DGKB: variants seen among roughly 807,000 people sequenced by gnomAD.
DGKB encodes the protein diacylglycerol kinase beta.
Under a neutral mutation model 114.3 loss-of-function variants are expected in DGKB, and 67 were observed. That is an observed-to-expected ratio of 0.59 (90% CI 0.48 to 0.72). The LOEUF (loss-of-function observed/expected upper bound fraction) is 0.72. DGKB is among the 30% of genes least tolerant of loss of function. DGKB has a pLI of 0.00. For missense variants in DGKB, 907 were observed against 975.2 expected (o/e 0.93, Z 0.93); for synonymous variants, 398 against 323.1 (o/e 1.23, Z -2.49).
intron 20 of DGKB, among the ~76,000 whole-genome samples, chr7:14,520,979 C>T (rs1254062664): frequency 1.3e-5 from 2 of 151,968 alleles, no homozygotes; most frequent in Non-Finnish European, 2.9e-5. Context: ...ACATACTATT[C>T]CTATATGAGA....
chr7:14,301,323 T>G (rs549382884), intron 23 of DGKB, among the ~76,000 whole-genome samples: 1 of 152,070 alleles, frequency 6.6e-6, no homozygotes, highest in African/African-American at 2.4e-5. Flanking sequence ...TTCTTGGGCA[T>G]TGGTGTCTCT....
At chr7:14,843,400 T>C (rs866556952) in intron 1 of DGKB, among the ~76,000 whole-genome samples, 1,787 of 130,674 alleles carry the variant, frequency 0.014, 38 homozygotes, top group African/African-American at 0.048. Context: ...AGTGGCGCAA[T>C]CTCGGCTCAC....
At chr7:14,966,438 ATT>A (rs1787154553) in intron 1 of DGKB, among the ~76,000 whole-genome samples, 1 of 144,888 alleles carries the variant, frequency 6.9e-6, no homozygotes. Flanking sequence ...ATACACACAT[ATT>A]TGTGTGTATA....
chr7:14,696,190 G>A (rs187918487), intron 8 of DGKB, among the ~76,000 whole-genome samples: 416 of 151,990 alleles, frequency 2.7e-3, no homozygotes, highest in Non-Finnish European at 3.7e-3. Context: ...GTTAGTGCCC[G>A]CTGTTTAGAA....
intron 1 of DGKB, among the ~76,000 whole-genome samples, chr7:14,865,914 A>G (rs916473702): frequency 2.6e-5 from 4 of 152,184 alleles, no homozygotes; most frequent in African/African-American, 9.7e-5. Context: ...TAAAGAGACC[A>G]CTTAAAATAT....
intron 1 of DGKB, among the ~76,000 whole-genome samples, chr7:14,968,665 A>G (rs535111658): frequency 6.6e-6 from 1 of 152,238 alleles, no homozygotes; most frequent in African/African-American, 2.4e-5. Context: ...GGAGAGAGTT[A>G]CTCATTCTTT....
intron 23 of DGKB, chr7:14,268,930 T>A (rs1011802869): frequency 6.6e-6 from 1 of 152,198 alleles, no homozygotes; most frequent in African/African-American, 2.4e-5. Context: ...ACAACACACA[T>A]TTATTAGCTC....
At chr7:14,473,201 G>T (rs1781674963) in intron 21 of DGKB, among the ~76,000 whole-genome samples, 1 of 152,124 alleles carries the variant, frequency 6.6e-6, no homozygotes, top group African/African-American at 2.4e-5. Context: ...CAAGCCCAGG[G>T]TGCCCATGCT....
At chr7:14,826,971 A>G (rs1375409245) in intron 2 of DGKB, among the ~76,000 whole-genome samples, 1 of 152,144 alleles carries the variant, frequency 6.6e-6, no homozygotes, top group Non-Finnish European at 1.5e-5. Context: ...TCTTAGGGGT[A>G]CATCCATGAA....
intron 20 of DGKB, among the ~76,000 whole-genome samples, chr7:14,518,100 G>GTACATA: frequency 6.6e-6 from 1 of 152,168 alleles, no homozygotes; most frequent in Admixed American, 6.5e-5. Flanking sequence ...ACAAAATGTG[G>GTACATA]TACATATACA....
intron 21 of DGKB, among the ~76,000 whole-genome samples, chr7:14,433,142 G>A (rs537560281): frequency 1.4e-4 from 22 of 152,138 alleles, no homozygotes; most frequent in African/African-American, 4.8e-4. Flanking sequence ...CTGGGAGCAC[G>A]TCGTATCTAT....
In DGKB at chr7:14,307,978, T is replaced by C. The variant is rs558611069; in HGVS notation, c.2122+30537A>G. ...AAATATCAGTAAGAACCTTTTTAAATAAAAAGTTTTGAAATAACACATTTT... is the reference window on the plus strand; with the variant it reads ...AAATATCAGTAAGAACCTTTTTAAACAAAAAGTTTTGAAATAACACATTTT... On this transcript the variant is annotated intron_variant, in intron 23 of 25. Coordinates refer to ENST00000402815, the MANE Select transcript of DGKB (RefSeq NM_001350709.2). 2.0e-5 allele frequency among the ~76,000 whole-genome samples: 3 copies of C among 152,154 alleles called. No homozygotes were observed. The East Asian group carries it at 5.8e-4, about 29-fold the overall frequency.
chr7:14,155,856 G>A (rs1258135920), intron 25 of DGKB, among the ~76,000 whole-genome samples: 1 of 152,106 alleles, frequency 6.6e-6, no homozygotes, highest in Admixed American at 6.6e-5. Context: ...GTGACGTTCT[G>A]AAGGAGATGC....
intron 23 of DGKB, among the ~76,000 whole-genome samples, chr7:14,248,885 A>T (rs1794831549): frequency 6.6e-6 from 1 of 152,130 alleles, no homozygotes. Flanking sequence ...CATATTGAAA[A>T]CAAGTGTTGA....
chr7:14,754,800 G>T (rs1023957880), intron 3 of DGKB, among the ~76,000 whole-genome samples: 1 of 152,162 alleles, frequency 6.6e-6, no homozygotes, highest in Non-Finnish European at 1.5e-5. Context: ...TCAGGCATGA[G>T]TCATTAATAT....
intron 2 of DGKB, among the ~76,000 whole-genome samples, chr7:14,787,515 G>A (rs1224504037): frequency 6.6e-6 from 1 of 152,164 alleles, no homozygotes; most frequent in Non-Finnish European, 1.5e-5. Flanking sequence ...CACATGCATT[G>A]TTTCACCACT....
At chr7:14,477,770 T>C (rs946681968) in intron 21 of DGKB, among the ~76,000 whole-genome samples, 1 of 152,146 alleles carries the variant, frequency 6.6e-6, no homozygotes, top group Non-Finnish European at 1.5e-5. Flanking sequence ...TCCAAAGATA[T>C]ATAATCCCTA....
At chr7:14,190,520 G>A (rs2128270811) in intron 23 of DGKB, among the ~76,000 whole-genome samples, 1 of 151,620 alleles carries the variant, frequency 6.6e-6, no homozygotes, top group East Asian at 1.9e-4. Context: ...GCCAAAATTA[G>A]CAGAAGGAAG....
intron 1 of DGKB, among the ~76,000 whole-genome samples, chr7:14,952,147 G>A (rs1174621365): frequency 6.6e-6 from 1 of 152,052 alleles, no homozygotes; most frequent in Non-Finnish European, 1.5e-5. Context: ...AATGCTATGT[G>A]AAGAATGGAG....
Sources: allele counts gnomAD v4.1 joint callset (sites outside exome capture counted in the v4.1 genomes callset), GRCh38; gene constraint gnomAD v4.1.1; transcripts MANE v1.5; gene names NCBI Gene and HGNC (gene_info 2026-07-23, HGNC 2026-07-21).